Variants in SLC24A2 observed in about 807,000 individuals in gnomAD.
The protein encoded by SLC24A2 is sodium/potassium/calcium exchanger 2.
Under a neutral mutation model 62.0 loss-of-function variants are expected in SLC24A2, and 36 were observed. The observed-to-expected ratio is 0.58, with a 90% CI of 0.44 to 0.77. The LOEUF (loss-of-function observed/expected upper bound fraction) is 0.77, where lower values mean the gene tolerates loss of function less well. SLC24A2 is among the 30% of genes least tolerant of loss of function. SLC24A2 has a pLI of 0.00. For missense variants in SLC24A2, 846 were observed against 817.9 expected (o/e 1.03, Z -0.42); for synonymous variants, 358 against 294.0 (o/e 1.22, Z -2.23).
At chr9:20,236,644 T>C in the SLC24A2 span, among the ~76,000 whole-genome samples, 37 of 152,320 alleles carry the variant, frequency 2.4e-4, no homozygotes, top group African/African-American at 8.7e-4. Context: ...ATGCTGAATT[T>C]ACAGTCATGT....
chr9:19,577,857 T>A (rs991635122), intron 5 of SLC24A2, among the ~76,000 whole-genome samples: 7 of 148,322 alleles, frequency 4.7e-5, no homozygotes, highest in African/African-American at 1.7e-4. Context: ...ATATAAAATA[T>A]ATATATAAAA....
At chr9:19,567,544 CA>C (rs747824353) in intron 7 of SLC24A2, among the ~76,000 whole-genome samples, 10 of 38,416 alleles carry the variant, frequency 2.6e-4, no homozygotes, top group African/African-American at 6.3e-4. Flanking sequence ...GACTCCATCT[CA>C]AAAAAAAAAA....
chr9:20,050,240 C>CG, the SLC24A2 span, among the ~76,000 whole-genome samples: 896 of 59,556 alleles, frequency 0.015, 16 homozygotes, highest in African/African-American at 0.051. Context: ...CCCGTCTCTA[C>CG]AAAAAAAAAA....
chr9:19,554,462 A>T (rs1834985769), intron 7 of SLC24A2, among the ~76,000 whole-genome samples: 1 of 152,208 alleles, frequency 6.6e-6, no homozygotes. Flanking sequence ...TTGAGCATCC[A>T]TGGAATTTGG....
At chr9:20,245,372 G>A in the SLC24A2 span, among the ~76,000 whole-genome samples, 1 of 152,218 alleles carries the variant, frequency 6.6e-6, no homozygotes, top group Non-Finnish European at 1.5e-5. Context: ...CAAGACAGGT[G>A]AGAGGATCCC....
intron 2 of SLC24A2, among the ~76,000 whole-genome samples, chr9:19,629,254 C>T (rs758144451): frequency 6.6e-6 from 1 of 152,138 alleles, no homozygotes. Flanking sequence ...TGGCATTTTC[C>T]TTGCAGTGAC....
At chr9:19,959,260 C>T in the SLC24A2 span, among the ~76,000 whole-genome samples, 5 of 152,082 alleles carry the variant, frequency 3.3e-5, no homozygotes, top group African/African-American at 9.7e-5. Flanking sequence ...ATCAATCCTC[C>T]CAATTGTGGC....
At chr9:19,647,068 G>GCGCACACACA (rs746685999) in intron 2 of SLC24A2, among the ~76,000 whole-genome samples, 2 of 80,010 alleles carry the variant, frequency 2.5e-5, no homozygotes, top group Non-Finnish European at 4.8e-5. Context: ...ACACACGCGC[G>GCGCACACACA]CACACACACA....
chr9:19,859,294 A>AT, the SLC24A2 span, among the ~76,000 whole-genome samples: 1 of 152,190 alleles, frequency 6.6e-6, no homozygotes, highest in Non-Finnish European at 1.5e-5. Flanking sequence ...GGACCTAACA[A>AT]TGAGGACACA....
chr9:19,657,485 A>G (rs1003978232), intron 2 of SLC24A2, among the ~76,000 whole-genome samples: 1 of 152,044 alleles, frequency 6.6e-6, no homozygotes, highest in South Asian at 2.1e-4. Context: ...TCAACCTGTC[A>G]TCTAGGTTTT....
the SLC24A2 span, among the ~76,000 whole-genome samples, chr9:19,914,265 C>T: frequency 6.6e-6 from 1 of 152,120 alleles, no homozygotes; most frequent in African/African-American, 2.4e-5. Context: ...CTACACAGCT[C>T]ATCCTCCATG....
At chr9:19,950,203 T>C in the SLC24A2 span, among the ~76,000 whole-genome samples, 18 of 152,346 alleles carry the variant, frequency 1.2e-4, no homozygotes, top group Non-Finnish European at 2.5e-4. Flanking sequence ...AGGATATTAA[T>C]AATATCTTCC....
At chr9:20,169,865 G>T in the SLC24A2 span, among the ~76,000 whole-genome samples, 4 of 151,910 alleles carry the variant, frequency 2.6e-5, no homozygotes, top group South Asian at 6.2e-4. Flanking sequence ...GAATTCAGAA[G>T]GTCAGTTATT....
At chr9:19,552,331 A>C (rs1480363487) in intron 7 of SLC24A2, among the ~76,000 whole-genome samples, 3 of 152,126 alleles carry the variant, frequency 2.0e-5, no homozygotes, top group Non-Finnish European at 4.4e-5. Context: ...TCTTTGTGTC[A>C]TGGGGCCAAT....
chr9:20,059,574 G>A, the SLC24A2 span, among the ~76,000 whole-genome samples: 3 of 151,950 alleles, frequency 2.0e-5, no homozygotes, highest in Non-Finnish European at 4.4e-5. Context: ...AAATCACAAG[G>A]CAATTAGAAA....
the SLC24A2 span, among the ~76,000 whole-genome samples, chr9:19,794,834 C>A: frequency 3.9e-5 from 6 of 151,944 alleles, no homozygotes; most frequent in African/African-American, 1.5e-4. Context: ...GCAGGACAGC[C>A]CACTCGGAAA....
the SLC24A2 span, among the ~76,000 whole-genome samples, chr9:19,941,537 G>A: frequency 6.7e-6 from 1 of 149,798 alleles, no homozygotes; most frequent in Admixed American, 6.7e-5. Flanking sequence ...TTATTTACCA[G>A]TTTTTGTAGA....
the SLC24A2 span, among the ~76,000 whole-genome samples, chr9:19,868,458 A>G: frequency 6.6e-6 from 1 of 152,236 alleles, no homozygotes; most frequent in Non-Finnish European, 1.5e-5. Flanking sequence ...TGCCTTCTGC[A>G]GTCACAAGAC....
At chr9:19,785,051 A>G (rs977325775) in intron 2 of SLC24A2, among the ~76,000 whole-genome samples, 1 of 152,214 alleles carries the variant, frequency 6.6e-6, no homozygotes, top group African/African-American at 2.4e-5. Flanking sequence ...GTTTAAAATC[A>G]CATTCAGAGA....
Sources: gnomAD v4.1 joint callset for allele counts (sites outside exome capture counted in the v4.1 genomes callset) on GRCh38, gnomAD v4.1.1 for gene constraint, MANE v1.5 for transcripts, NCBI Gene and HGNC (gene_info 2026-07-23, HGNC 2026-07-21) for gene names.